Variants in SYBU observed in about 807,000 individuals in gnomAD.
SYBU encodes GOLSYN A protein.
A neutral mutation model predicts 35.9 loss-of-function variants in SYBU; 21 were observed. The observed-to-expected ratio is 0.58, with a 90% confidence interval of 0.41 to 0.84. The LOEUF (loss-of-function observed/expected upper bound fraction) is 0.84, where lower values mean the gene tolerates loss of function less well. Among genes scored for constraint, SYBU ranks in the 40% least tolerant of loss-of-function variants. The pLI is 0.00. For missense variants in SYBU, 768 were observed against 848.2 expected (o/e 0.91, Z 1.17); for synonymous variants, 319 against 324.3 (o/e 0.98, Z 0.18).
chr8:109,660,727 G>T (rs1816530072), intron 1 of SYBU, among the ~76,000 whole-genome samples: 2 of 152,012 alleles, frequency 1.3e-5, no homozygotes, highest in Non-Finnish European at 1.5e-5. Context: ...ATTTCTCTTT[G>T]ACTTTACTGT....
At chr8:109,597,346 C>T (rs1824998573) in intron 3 of SYBU, among the ~76,000 whole-genome samples, 1 of 152,156 alleles carries the variant, frequency 6.6e-6, no homozygotes, top group Non-Finnish European at 1.5e-5. Flanking sequence ...AGGCCTAATT[C>T]CAAGTTGCAA....
chr8:109,630,420 T>C (rs1813485411), intron 2 of SYBU, among the ~76,000 whole-genome samples: 1 of 149,982 alleles, frequency 6.7e-6, no homozygotes. Context: ...ACTTGAAGTA[T>C]AATAATAAAA....
rs376682836 is a variant in SYBU at position 109,575,365 on chromosome 8, C to G, written c.1533G>C (p.Gln511His). 1 of 1,614,032 alleles carries G rather than the reference C, an allele frequency of 6.2e-7. No individual in the cohort carries two copies. The highest frequency in any genetic ancestry group is 8.5e-7 in the Non-Finnish European group (1 of 1,180,030). The change falls in exon 7 of 7, where the codon CAG (glutamine) becomes CAC (histidine). Residue 511 changes from glutamine (Q) to histidine (H), a missense_variant. Physicochemically the swap from Gln to His is conservative, Grantham distance 24. Coordinates refer to ENST00000276646, the MANE Select transcript of SYBU (RefSeq NM_001099754.2). ...ELIQSVLQKL[Q>H]DPCPSSLASP... is the part of the protein sequence containing the mutation. ...ACGCCAAGCTCGAGGGACAGGGGTC[C>G]TGGAGCTTCTGCAGCACACTCTGAA...
At chr8:109,649,661 C>T (rs1449808306), upstream of SYBU, among the ~76,000 whole-genome samples, 2 of 152,132 alleles carry the variant, frequency 1.3e-5, no homozygotes, top group African/African-American at 2.4e-5. Context: ...ATGAGATAGC[C>T]TCCCCCAAAA....
At chr8:109,667,283 A>C (rs1816790773) in intron 1 of SYBU, among the ~76,000 whole-genome samples, 1 of 151,768 alleles carries the variant, frequency 6.6e-6, no homozygotes, top group East Asian at 1.9e-4. Context: ...CGCCTGGCTA[A>C]TTTTTTGTAT....
At chr8:109,690,347 G>T (rs1450417590) in intron 1 of SYBU, among the ~76,000 whole-genome samples, 1 of 152,234 alleles carries the variant, frequency 6.6e-6, no homozygotes, top group Admixed American at 6.5e-5. Context: ...CTATGGGGAG[G>T]AAAAGGCAAA....
intron 1 of SYBU, among the ~76,000 whole-genome samples, chr8:109,663,258 C>CATAT (rs1282405275): frequency 1.0e-3 from 154 of 149,148 alleles, no homozygotes; most frequent in African/African-American, 3.6e-3. Context: ...AAAATACATA[C>CATAT]AGATAGATAG....
At position 109,584,879 on chromosome 8, in the gene SYBU, C is replaced by T. The variant is rs957093405; in HGVS notation, c.530+1181G>A. ...CACAGTACAACTGTCTTTTGGATACCGTGGCCCAGGGGAATCAAGTGACGT... is the reference window on the plus strand; with the variant it reads ...CACAGTACAACTGTCTTTTGGATACTGTGGCCCAGGGGAATCAAGTGACGT... On this transcript the variant is annotated intron_variant, in intron 4 of 6. Transcript: ENST00000276646. The surrounding 1 kb of genome is among the most constrained non-coding windows in gnomAD (Gnocchi z 4.0). Among the ~76,000 whole-genome samples the T allele has an allele frequency of 2.0e-5, 3 of 152,078 alleles. No individual in the cohort carries two copies. Among genetic ancestry groups the T allele is most frequent in the Middle Eastern group, 3.4e-3 (1 of 294 alleles).
intron 3 of SYBU, among the ~76,000 whole-genome samples, chr8:109,615,795 C>T (rs955306747): frequency 3.3e-5 from 5 of 151,914 alleles, no homozygotes; most frequent in African/African-American, 9.7e-5. Context: ...TTCATAAATG[C>T]TAACAAATGA....
intron 1 of SYBU, among the ~76,000 whole-genome samples, chr8:109,658,678 G>T (rs929703251): frequency 6.6e-6 from 1 of 151,970 alleles, no homozygotes; most frequent in Non-Finnish European, 1.5e-5. Context: ...TTCATGGCCG[G>T]CATGGTGGCT....
rs73702894 is a variant in SYBU, at chr8:109,585,982, G to C, written c.530+78C>G. ...AAAATATGAACGGACAGTAATCCGGGTGGTTCTACAGATGCACAGGTGCAG... is the reference window on the plus strand; with the variant it reads ...AAAATATGAACGGACAGTAATCCGGCTGGTTCTACAGATGCACAGGTGCAG... On this transcript the variant is annotated intron_variant, in intron 4 of 6. Transcript: ENST00000276646. 8.2e-3 allele frequency: 7,310 copies of C among 892,262 alleles called. 261 individuals are homozygous for C. The African/African-American group carries it at 0.092, about 11-fold the overall frequency. 55.3% of individuals were successfully genotyped at this position (892,262 alleles called of 1,614,324 possible). A position where few individuals can be genotyped will look rare whatever the true frequency, so the allele number is the denominator to read the frequency against.
intron 1 of SYBU, among the ~76,000 whole-genome samples, chr8:109,653,917 TCC>T (rs1367702797): frequency 6.6e-6 from 1 of 152,156 alleles, no homozygotes; most frequent in East Asian, 1.9e-4. Context: ...TCCCATTCTT[TCC>T]CATCTCTTAA....
At chr8:109,595,584 G>A (rs904048943) in intron 3 of SYBU, among the ~76,000 whole-genome samples, 2 of 152,236 alleles carry the variant, frequency 1.3e-5, no homozygotes, top group African/African-American at 4.8e-5. Context: ...GCTAAGAGAG[G>A]TCAACAATGG....
At chr8:109,640,819 CAAAAAA>C (rs33993476) in intron 2 of SYBU, among the ~76,000 whole-genome samples, 2 of 82,062 alleles carry the variant, frequency 2.4e-5, no homozygotes, top group Non-Finnish European at 5.5e-5. Flanking sequence ...AATTAGTTAG[CAAAAAA>C]AAAAAAAAAA....
intron 2 of SYBU, among the ~76,000 whole-genome samples, chr8:109,628,967 A>T (rs1290073912): frequency 6.6e-6 from 1 of 152,192 alleles, no homozygotes; most frequent in Admixed American, 6.5e-5. Context: ...CCAAAAAAAA[A>T]TGAGAAGGAA....
Position 109,644,779 on chromosome 8 carries a change from T to C in SYBU, c.-120A>G. On this transcript the variant is annotated 5_prime_UTR_variant, in exon 1 of 7. Coordinates refer to ENST00000276646, the MANE Select transcript of SYBU (RefSeq NM_001099754.2). ...GCGGGCTGCGGGCGGCGGCTCTTGGTGAGGCTCCAACGCGCCGCCGCCGCC... is the reference window on the plus strand; with the variant it reads ...GCGGGCTGCGGGCGGCGGCTCTTGGCGAGGCTCCAACGCGCCGCCGCCGCC... The C allele has an allele frequency of 9.7e-7, 1 of 1,032,578 alleles. No homozygotes were observed. Among genetic ancestry groups the C allele is most frequent in the Non-Finnish European group, 1.3e-6 (1 of 780,268 alleles). The allele number at this position is 1,032,578 out of a possible 1,614,324, so 64.0% of individuals were successfully genotyped here.
chr8:109,616,023 TTTTTTTG>T, intron 3 of SYBU, among the ~76,000 whole-genome samples: 1 of 110,072 alleles, frequency 9.1e-6, no homozygotes, highest in African/African-American at 4.0e-5. Context: ...TTTTTTTTTT[TTTTTTTG>T]AGACAGAGTC....
intron 2 of SYBU, among the ~76,000 whole-genome samples, chr8:109,638,195 C>T (rs1276114822): frequency 2.0e-5 from 3 of 152,206 alleles, no homozygotes; most frequent in African/African-American, 7.2e-5. Context: ...CCATCTGCCT[C>T]TCAGTTCTAA....
chr8:109,656,304 A>G (rs556119077), intron 1 of SYBU, among the ~76,000 whole-genome samples: 17 of 152,206 alleles, frequency 1.1e-4, no homozygotes, highest in Non-Finnish European at 2.1e-4. Flanking sequence ...CAATGTGCTT[A>G]TATTTCCCTT....
Sources: allele counts gnomAD v4.1 joint callset (sites outside exome capture counted in the v4.1 genomes callset), GRCh38; gene constraint gnomAD v4.1.1; non-coding constraint Gnocchi (gnomAD v3.1); transcripts MANE v1.5; gene names NCBI Gene and HGNC (gene_info 2026-07-23, HGNC 2026-07-21).